The following SCAPER variants were observed in gnomAD, a reference collection of about 807,000 sequenced individuals.
SCAPER encodes the protein S phase cyclin A-associated protein in the endoplasmic reticulum.
In SCAPER, 98 loss-of-function variants were observed where a neutral mutation model predicts 182.2. The observed-to-expected ratio is 0.54, with a 90% CI of 0.46 to 0.64. The LOEUF (loss-of-function observed/expected upper bound fraction) is 0.64. Among genes scored for constraint, SCAPER ranks in the 30% least tolerant of loss-of-function variants. The pLI is 0.00. For missense variants in SCAPER, 1,432 were observed against 1,690.0 expected, an observed-to-expected ratio of 0.85 and a Z score of 2.68; for synonymous variants, 605 against 564.6, an observed-to-expected ratio of 1.07 and a Z score of -1.01.
Position 76,545,543 on chromosome 15 carries a change from G to A in SCAPER, c.2838+28615C>T, listed in dbSNP as rs1474359455. 2.6e-5 allele frequency among the ~76,000 whole-genome samples: 4 copies of A among 152,246 alleles called. No individual in the cohort carries two copies. In the South Asian group the frequency reaches 6.2e-4, roughly 24 times the overall value. On this transcript the variant is annotated intron_variant, in intron 23 of 31. Transcript: ENST00000563290. ...TTGAGAGTAACTGGGACCAGGCTAAGCTTTCTAATGTCAATAACGAGAACC... is the reference window on the plus strand; with the variant it reads ...TTGAGAGTAACTGGGACCAGGCTAAACTTTCTAATGTCAATAACGAGAACC...
At position 76,783,059 on chromosome 15, in the gene SCAPER, C is replaced by CA. The variant is rs537652180; in HGVS notation, c.773-7943dup. 1.3e-3 allele frequency among the ~76,000 whole-genome samples: 193 copies of CA among 151,878 alleles called. 1 individual carries two copies. Among genetic ancestry groups the CA allele is most frequent in the African/African-American group, 4.4e-3 (181 of 41,444 alleles). The stretch of plus-strand genomic sequence containing the variant: ...AGCAGAACTGAAGGGGACAGAGACA[C>CA]AAAAAATCCTTCAAAAAATACATGA... On this transcript the variant is annotated intron_variant, in intron 8 of 31. Coordinates refer to ENST00000563290, the MANE Select transcript of SCAPER (RefSeq NM_020843.4).
intron 8 of SCAPER, among the ~76,000 whole-genome samples, chr15:76,781,008 A>G (rs1460954911): frequency 6.6e-6 from 1 of 152,218 alleles, no homozygotes; most frequent in East Asian, 1.9e-4. Flanking sequence ...CCCCGCCAGC[A>G]ATGGAACAAA....
intron 24 of SCAPER, among the ~76,000 whole-genome samples, chr15:76,475,480 C>A (rs1471529780): frequency 1.3e-5 from 2 of 152,136 alleles, no homozygotes; most frequent in Non-Finnish European, 2.9e-5. Flanking sequence ...GCACACACCA[C>A]CACACCCAGC....
chr15:76,809,203 A>C (rs1568205646), intron 5 of SCAPER, among the ~76,000 whole-genome samples: 1 of 152,212 alleles, frequency 6.6e-6, no homozygotes, highest in Non-Finnish European at 1.5e-5. Flanking sequence ...TAATGCACAG[A>C]AACAAACACT....
chr15:76,644,205 G>A (rs1455657760), intron 21 of SCAPER, among the ~76,000 whole-genome samples: 1 of 151,992 alleles, frequency 6.6e-6, no homozygotes, highest in Non-Finnish European at 1.5e-5. Flanking sequence ...GAGGCTACAT[G>A]GAATTTAATA....
rs372664930 is a variant in SCAPER at position 76,753,953 on chromosome 15, G to A, written c.1726-5C>T. 23 of 1,610,458 alleles carry A rather than the reference G, an allele frequency of 1.4e-5. No homozygotes were observed. The African/African-American group carries it at 1.7e-4, about 12-fold the overall frequency. On this transcript the variant is annotated splice_region_variant and splice_polypyrimidine_tract_variant and intron_variant, in intron 14 of 31. Coordinates refer to ENST00000563290, the MANE Select transcript of SCAPER (RefSeq NM_020843.4). Reference sequence around the variant, plus strand: ...CCACTTCCGGACATCCTTCTCCTACGTATAGTGAATCATCACATCCTTAAT... The same window carrying A: ...CCACTTCCGGACATCCTTCTCCTACATATAGTGAATCATCACATCCTTAAT...
intron 27 of SCAPER, among the ~76,000 whole-genome samples, chr15:76,390,997 T>C (rs984402891): frequency 5.9e-5 from 9 of 152,184 alleles, no homozygotes; most frequent in Non-Finnish European, 1.3e-4. Flanking sequence ...CTGTTTAAAA[T>C]CCTCCAGTGG....
chr15:76,357,856 A>G (rs2041107812), intron 29 of SCAPER, among the ~76,000 whole-genome samples: 1 of 152,240 alleles, frequency 6.6e-6, no homozygotes, highest in African/African-American at 2.4e-5. Context: ...GTCAAATACC[A>G]CATGTTTTTG....
chr15:76,661,664 T>C (rs2056179958), intron 21 of SCAPER, among the ~76,000 whole-genome samples: 2 of 152,200 alleles, frequency 1.3e-5, no homozygotes, highest in South Asian at 2.1e-4. Context: ...TAGCGATTAC[T>C]AATAAGTCAA....
intron 15 of SCAPER, among the ~76,000 whole-genome samples, chr15:76,747,267 A>C (rs569115269): frequency 2.6e-5 from 4 of 152,190 alleles, no homozygotes; most frequent in African/African-American, 9.6e-5. Flanking sequence ...ACTTTGGGAG[A>C]CCAAGGTGGG....
At chr15:76,813,006 A>C (rs1479126129) in intron 5 of SCAPER, among the ~76,000 whole-genome samples, 1 of 104,520 alleles carries the variant, frequency 9.6e-6, no homozygotes, top group African/African-American at 3.6e-5. Flanking sequence ...GAATATACAC[A>C]CAAAAATGCT....
intron 24 of SCAPER, among the ~76,000 whole-genome samples, chr15:76,489,699 A>G (rs1365638830): frequency 2.6e-5 from 4 of 152,180 alleles, no homozygotes; most frequent in Non-Finnish European, 5.9e-5. Flanking sequence ...TGTATAATAC[A>G]ATATTGTTAA....
intron 22 of SCAPER, among the ~76,000 whole-genome samples, chr15:76,593,101 C>T (rs931876810): frequency 1.6e-5 from 2 of 121,560 alleles, no homozygotes; most frequent in African/African-American, 5.0e-5. Flanking sequence ...GCACAGCAGT[C>T]TGAAGTCGAC....
chr15:76,809,399 GC>G (rs540763182), intron 5 of SCAPER, among the ~76,000 whole-genome samples: 160 of 152,110 alleles, frequency 1.1e-3, no homozygotes, highest in Non-Finnish European at 1.5e-3. Context: ...AAAAATTTCT[GC>G]CAAGAGACAG....
At chr15:76,719,350 G>C (rs1477668882) in intron 17 of SCAPER, among the ~76,000 whole-genome samples, 2 of 152,074 alleles carry the variant, frequency 1.3e-5, no homozygotes, top group African/African-American at 2.4e-5. Context: ...CAATTATACA[G>C]AGATAGAAAA....
chr15:76,771,357 A>G (rs1304377377), intron 10 of SCAPER, among the ~76,000 whole-genome samples: 1 of 152,140 alleles, frequency 6.6e-6, no homozygotes, highest in Non-Finnish European at 1.5e-5. Flanking sequence ...GTGGCTGTCT[A>G]AAGTACTCTG....
At chr15:76,421,376 GA>G (rs2046026889) in intron 26 of SCAPER, among the ~76,000 whole-genome samples, 2 of 152,210 alleles carry the variant, frequency 1.3e-5, no homozygotes, top group Non-Finnish European at 2.9e-5. Context: ...GGCCAGTGAT[GA>G]TGAGCATTTT....
At chr15:76,597,570 C>A (rs934657378) in intron 22 of SCAPER, among the ~76,000 whole-genome samples, 1 of 121,234 alleles carries the variant, frequency 8.2e-6, no homozygotes, top group Non-Finnish European at 2.0e-5. Context: ...GCTACAGTAA[C>A]CAAAACAGCA....
At chr15:76,757,618 T>C (rs1211022887) in intron 14 of SCAPER, among the ~76,000 whole-genome samples, 1 of 152,176 alleles carries the variant, frequency 6.6e-6, no homozygotes, top group Non-Finnish European at 1.5e-5. Flanking sequence ...CCTTTGGATA[T>C]ATACCCAGAA....
Sources: gnomAD v4.1 joint callset for allele counts (sites outside exome capture counted in the v4.1 genomes callset) on GRCh38, gnomAD v4.1.1 for gene constraint, MANE v1.5 for transcripts, NCBI Gene and HGNC (gene_info 2026-07-23, HGNC 2026-07-21) for gene names.